ZDHHC20: variants seen among roughly 807,000 people sequenced by gnomAD.
ZDHHC20 encodes zDHHC palmitoyltransferase 20.
ZDHHC20 carries 43 observed loss-of-function variants against 57.8 expected under a neutral mutation model. The observed-to-expected ratio is 0.74, with a 90% CI of 0.58 to 0.96. The LOEUF (loss-of-function observed/expected upper bound fraction) is 0.96, where lower values mean the gene tolerates loss of function less well. ZDHHC20 is among the 40% of genes least tolerant of loss of function. ZDHHC20 has a pLI of 0.00. For synonymous variants in ZDHHC20, 157 were observed against 153.0 expected (o/e 1.03, Z -0.19); for missense variants, 391 against 441.1 (o/e 0.89, Z 1.02).
At position 21,381,550 on chromosome 13, in the gene ZDHHC20, C is replaced by T. The variant is rs373802168; in HGVS notation, c.945-1G>A. 51 of 1,609,118 alleles carry T rather than the reference C, an allele frequency of 3.2e-5. No individual in the cohort carries two copies. The highest frequency in any genetic ancestry group is 4.1e-5 in the Non-Finnish European group (48 of 1,176,126). On this transcript the variant is annotated splice_acceptor_variant, in intron 10 of 12. Coordinates refer to ENST00000400590, the MANE Select transcript of ZDHHC20 (RefSeq NM_001330059.2). LOFTEE classifies it high-confidence loss of function. ...AGGAAAAGGTTGATTTGAGCCACTA[C>T]TGAAAAGAAGAGCAAACAACTTAGT...
chr13:21,440,826 C>T (rs898089030), intron 1 of ZDHHC20, among the ~76,000 whole-genome samples: 12 of 151,828 alleles, frequency 7.9e-5, no homozygotes, highest in African/African-American at 2.7e-4. Flanking sequence ...TAGTCTATTT[C>T]TGGACATTAT....
intron 2 of ZDHHC20, among the ~76,000 whole-genome samples, chr13:21,423,328 C>T (rs896363669): frequency 6.6e-6 from 1 of 152,222 alleles, no homozygotes; most frequent in Non-Finnish European, 1.5e-5. Flanking sequence ...TCTGCTCTCT[C>T]TATCCTGTCA....
At chr13:21,378,626 G>T in intron 12 of ZDHHC20, 35 bp downstream of exon 12, 2 of 1,153,334 alleles carry the variant, frequency 1.7e-6, no homozygotes, top group Non-Finnish European at 2.3e-6. Flanking sequence ...CAAATAAGCT[G>T]CATTTATTCA....
chr13:21,380,318 G>A lies in ZDHHC20; in HGVS notation c.1060+1116C>T, dbSNP rs532009652. 1.5e-4 allele frequency among the ~76,000 whole-genome samples: 22 copies of A among 150,800 alleles called. No individual in the cohort carries two copies. In the South Asian group the frequency reaches 2.5e-3, roughly 17 times the overall value. On this transcript the variant is annotated intron_variant, in intron 11 of 12. Transcript: ENST00000400590. ...CTTAGTAGAGATGGGGTTTCACCAC[G>A]TTCGCCAAGCTGGTCTCTAACACTT...
chr13:21,398,249 G>C (rs370151506), intron 7 of ZDHHC20, among the ~76,000 whole-genome samples: 238 of 152,196 alleles, frequency 1.6e-3, no homozygotes, highest in South Asian at 7.1e-3. Flanking sequence ...CAGATCACGA[G>C]GTCAGGAGAT....
chr13:21,447,819 T>C (rs1197635569), intron 1 of ZDHHC20, among the ~76,000 whole-genome samples: 2 of 92,314 alleles, frequency 2.2e-5, no homozygotes, highest in African/African-American at 3.7e-5. Context: ...CCAGCCGCCA[T>C]CCCATCTAGG....
chr13:21,438,042 G>T (rs1882736481), intron 1 of ZDHHC20, among the ~76,000 whole-genome samples: 1 of 152,120 alleles, frequency 6.6e-6, no homozygotes, highest in African/African-American at 2.4e-5. Context: ...TCAGAAAAAA[G>T]ATTCCTTTCA....
intron 3 of ZDHHC20, among the ~76,000 whole-genome samples, chr13:21,414,429 C>T (rs71427943): frequency 0.03 from 4,481 of 150,380 alleles, 89 homozygotes; most frequent in Middle Eastern, 0.086. Flanking sequence ...GGAGTGATTT[C>T]GGCTCACTGC....
intron 1 of ZDHHC20, among the ~76,000 whole-genome samples, chr13:21,426,256 A>G (rs1403449540): frequency 6.6e-6 from 1 of 152,204 alleles, no homozygotes; most frequent in Non-Finnish European, 1.5e-5. Context: ...AATAAAGCCA[A>G]CAACCACTTC....
At chr13:21,411,801 T>C (rs77139576) in intron 4 of ZDHHC20, among the ~76,000 whole-genome samples, 26,439 of 152,152 alleles carry the variant, frequency 0.17, 2,825 homozygotes, top group Non-Finnish European at 0.25. Context: ...CATTAACAAA[T>C]ATTTAGAGTT....
chr13:21,443,161 T>C (rs1883347852), intron 1 of ZDHHC20, among the ~76,000 whole-genome samples: 1 of 152,258 alleles, frequency 6.6e-6, no homozygotes, highest in African/African-American at 2.4e-5. Context: ...TTCTCTTTAC[T>C]ATTAAATATT....
chr13:21,378,956 C>T (rs1872740436), intron 11 of ZDHHC20, among the ~76,000 whole-genome samples: 1 of 152,100 alleles, frequency 6.6e-6, no homozygotes, highest in African/African-American at 2.4e-5. Context: ...TGTGGAAATA[C>T]CTATTGGCTT....
intron 4 of ZDHHC20, among the ~76,000 whole-genome samples, chr13:21,406,558 C>G (rs9580104): frequency 0.16 from 24,113 of 151,754 alleles, 2,625 homozygotes; most frequent in Non-Finnish European, 0.25. Context: ...CGACAGGCCC[C>G]AGTGTGTGAT....
At chr13:21,382,521 T>C (rs1873607865) in intron 10 of ZDHHC20, among the ~76,000 whole-genome samples, 1 of 152,232 alleles carries the variant, frequency 6.6e-6, no homozygotes, top group Admixed American at 6.5e-5. Flanking sequence ...TTTGATAGTA[T>C]ATTAAAATTT....
At chr13:21,390,248 A>T (rs1875424675) in intron 8 of ZDHHC20, 1 of 152,206 alleles carries the variant, frequency 6.6e-6, no homozygotes, top group Admixed American at 6.5e-5. Context: ...TTTACAAAAC[A>T]CTACCGTAAA....
In ZDHHC20 at chr13:21,376,337, G is replaced by A. The variant is rs554931410; in HGVS notation, c.*359C>T. The A allele has an allele frequency of 7.8e-5, 15 of 191,276 alleles. No individual in the cohort carries two copies. The South Asian group carries it at 2.6e-3, about 34-fold the overall frequency. 11.8% of individuals were successfully genotyped at this position (191,276 alleles called of 1,614,324 possible). On this transcript the variant is annotated 3_prime_UTR_variant, in exon 13 of 13. Coordinates refer to ENST00000400590, the MANE Select transcript of ZDHHC20 (RefSeq NM_001330059.2). ...GTATATGGATACTTATTCTAATAATGTAATTCAGGTATCAAAAAATACATA... is the reference window on the plus strand; with the variant it reads ...GTATATGGATACTTATTCTAATAATATAATTCAGGTATCAAAAAATACATA...
At chr13:21,385,204 G>A (rs967515833) in intron 9 of ZDHHC20, among the ~76,000 whole-genome samples, 5 of 152,220 alleles carry the variant, frequency 3.3e-5, no homozygotes, top group East Asian at 3.9e-4. Flanking sequence ...TGAGGTGGGC[G>A]GATTGCTTGA....
chr13:21,401,656 G>A lies in ZDHHC20; in HGVS notation c.470C>T (p.Pro157Leu), dbSNP rs867459783. Residue 157 changes from proline (P) to leucine (L), a missense_variant, in exon 6 of 13, where the codon CCT (proline) becomes CTT (leucine). Transcript: ENST00000400590. The stretch of plus-strand genomic sequence containing the variant: ...TCTTCTGTTTTTTTATACATACCAA[G>A]GACAGTGATGATCCATCTTAAGAAT... ...SCILKMDHHC[P>L]WVNNCVGFSN... 3.3e-6 allele frequency: 5 copies of A among 1,537,708 alleles called. No homozygotes were observed. Among genetic ancestry groups the A allele is most frequent in the South Asian group, 2.6e-5 (2 of 77,566 alleles).
In ZDHHC20 at chr13:21,375,311, C is replaced by A; in HGVS notation, c.*1385G>T. The A allele has an allele frequency of 2.6e-6, 1 of 379,594 alleles. No individual in the cohort carries two copies. The highest frequency in any genetic ancestry group is 2.0e-5 in the South Asian group (1 of 50,394). The allele number at this position is 379,594 out of a possible 1,614,324, so 23.5% of individuals were successfully genotyped here. A position where few individuals can be genotyped will look rare whatever the true frequency, so the allele number is the denominator to read the frequency against. On this transcript the variant is annotated 3_prime_UTR_variant, in exon 13 of 13. Coordinates refer to ENST00000400590, the MANE Select transcript of ZDHHC20 (RefSeq NM_001330059.2). ...CACAGATGCTGCTGAGATTCATCTCCACCCACTCACTGGAAGCAATCAATT... is the reference window on the plus strand; with the variant it reads ...CACAGATGCTGCTGAGATTCATCTCAACCCACTCACTGGAAGCAATCAATT...
Sources: gnomAD v4.1 joint callset for allele counts (sites outside exome capture counted in the v4.1 genomes callset) on GRCh38, gnomAD v4.1.1 for gene constraint, MANE v1.5 for transcripts, NCBI Gene and HGNC (gene_info 2026-07-23, HGNC 2026-07-21) for gene names.